NUP153: variants seen among roughly 807,000 people sequenced by gnomAD.
NUP153 encodes nuclear pore complex protein Nup153.
A neutral mutation model predicts 134.6 loss-of-function variants in NUP153; 27 were observed. The ratio of observed to expected loss-of-function variants is 0.20; its 90% CI spans 0.15 to 0.28. The LOEUF (loss-of-function observed/expected upper bound fraction) is 0.28, where lower values mean the gene tolerates loss of function less well. Among genes scored for constraint, NUP153 ranks in the 10% least tolerant of loss-of-function variants. The pLI is 1.00. For missense variants in NUP153, 1,821 were observed against 1,731.3 expected (o/e 1.05, Z -0.92); for synonymous variants, 640 against 623.5 (o/e 1.03, Z -0.40).
At position 17,615,956 on chromosome 6, in the gene NUP153, A is replaced by C; in HGVS notation, c.*141T>G. 1 of 565,484 alleles carries C rather than the reference A, an allele frequency of 1.8e-6. No individual in the cohort carries two copies. The highest frequency in any genetic ancestry group is 2.8e-5 in the South Asian group (1 of 35,346). 35.0% of individuals were successfully genotyped at this position (565,484 alleles called of 1,614,324 possible). On this transcript the variant is annotated 3_prime_UTR_variant, in exon 22 of 22. Transcript: ENST00000262077. The surrounding 1 kb of genome is among the most constrained non-coding windows in gnomAD (Gnocchi z 5.7). Reference sequence around the variant, plus strand: ...AGGCAGGGTGGGGCTTCTGTAACGAAAGAGAAAGGAGGAAAATTCCAAAAT... The same window carrying C: ...AGGCAGGGTGGGGCTTCTGTAACGACAGAGAAAGGAGGAAAATTCCAAAAT...
At chr6:17,664,249 G>A (rs770704780) in intron 9 of NUP153, among the ~76,000 whole-genome samples, 1 of 152,094 alleles carries the variant, frequency 6.6e-6, no homozygotes, top group Non-Finnish European at 1.5e-5. Flanking sequence ...TAATACAAAT[G>A]TTCTAAAATT....
At chr6:17,665,116 C>T (rs1040944693) in intron 9 of NUP153, 123 bp downstream of exon 9, 7 of 484,892 alleles carry the variant, frequency 1.4e-5, no homozygotes, top group Non-Finnish European at 2.4e-5. Context: ...ATAATCATCA[C>T]TAATTCACAA....
In NUP153 at chr6:17,649,154, G is replaced by C. The variant is rs751347467; in HGVS notation, c.1533+9C>G. The C allele has an allele frequency of 6.2e-7, 1 of 1,608,526 alleles. No homozygotes were observed. Among genetic ancestry groups the C allele is most frequent in the South Asian group, 1.1e-5 (1 of 90,090 alleles). On this transcript the variant is annotated intron_variant, in intron 12 of 21. Coordinates refer to ENST00000262077, the MANE Select transcript of NUP153 (RefSeq NM_005124.4). Reference sequence around the variant, plus strand: ...AAATGTCACCTGTATTTATATAATGGTTTTGTACCTTGTTTGTTAATGCTT... The same window carrying C: ...AAATGTCACCTGTATTTATATAATGCTTTTGTACCTTGTTTGTTAATGCTT...
intron 5 of NUP153, among the ~76,000 whole-genome samples, 191 bp downstream of exon 5, chr6:17,674,714 G>A (rs1443324851): frequency 1.3e-5 from 2 of 152,166 alleles, no homozygotes; most frequent in African/African-American, 4.8e-5. Flanking sequence ...AGGTTGCAGT[G>A]TGGTCCGAGA....
chr6:17,670,367 C>T (rs1767828259), intron 5 of NUP153, among the ~76,000 whole-genome samples: 1 of 152,134 alleles, frequency 6.6e-6, no homozygotes, highest in African/African-American at 2.4e-5. Flanking sequence ...ATACAACAGA[C>T]TTTTGTATAT....
intron 1 of NUP153, among the ~76,000 whole-genome samples, chr6:17,695,764 C>T (rs1013059122): frequency 8.5e-5 from 13 of 152,190 alleles, no homozygotes; most frequent in Non-Finnish European, 1.3e-4. Context: ...AATCCCAACA[C>T]TTTAGGAGGC....
intron 1 of NUP153, among the ~76,000 whole-genome samples, chr6:17,705,615 G>T (rs1310038597): frequency 6.6e-6 from 1 of 151,088 alleles, no homozygotes; most frequent in African/African-American, 2.5e-5. Context: ...GCGCAGCAGA[G>T]AAAAGACGTA....
intron 18 of NUP153, among the ~76,000 whole-genome samples, chr6:17,626,373 T>C (rs1764950119): frequency 1.3e-5 from 2 of 152,218 alleles, no homozygotes; most frequent in African/African-American, 4.8e-5. Context: ...AGCTTATGGA[T>C]TTTAGGCCTT....
Position 17,630,385 on chromosome 6 carries a change from C to T in NUP153, c.2660-846G>A, listed in dbSNP as rs544229138. Among the ~76,000 whole-genome samples the T allele has an allele frequency of 3.3e-5, 5 of 152,260 alleles. No individual in the cohort carries two copies. The East Asian group carries it at 5.8e-4, about 18-fold the overall frequency. On this transcript the variant is annotated intron_variant, in intron 17 of 21. Coordinates refer to ENST00000262077, the MANE Select transcript of NUP153 (RefSeq NM_005124.4). Reference sequence around the variant, plus strand: ...TTATAAAGTTAAACATCAGACTGGGCGTGGTAGCTCACGCTTGGAATCCCA... The same window carrying T: ...TTATAAAGTTAAACATCAGACTGGGTGTGGTAGCTCACGCTTGGAATCCCA...
rs1225904101 is a variant in NUP153 at position 17,615,975 on chromosome 6, C to A, written c.*122G>T. The A allele has an allele frequency of 3.2e-6, 2 of 620,430 alleles. No individual in the cohort carries two copies. Among genetic ancestry groups the A allele is most frequent in the Non-Finnish European group, 5.4e-6 (2 of 369,798 alleles). The allele number at this position is 620,430 out of a possible 1,614,324, so 38.4% of individuals were successfully genotyped here. A position where few individuals can be genotyped will look rare whatever the true frequency, so the allele number is the denominator to read the frequency against. On this transcript the variant is annotated 3_prime_UTR_variant, in exon 22 of 22. Transcript: ENST00000262077. The surrounding 1 kb of genome is among the most constrained non-coding windows in gnomAD (Gnocchi z 5.7). ...TAACGAAAGAGAAAGGAGGAAAATT[C>A]CAAAATTAAAGAAGTCCTTAGGCAG...
chr6:17,667,802 C>A (rs73369319), intron 8 of NUP153, among the ~76,000 whole-genome samples: 1 of 152,284 alleles, frequency 6.6e-6, no homozygotes, highest in African/African-American at 2.4e-5. Context: ...ACAAAAGATA[C>A]CTCTTTAACC....
At chr6:17,700,617 A>G (rs1769991506) in intron 1 of NUP153, among the ~76,000 whole-genome samples, 1 of 152,218 alleles carries the variant, frequency 6.6e-6, no homozygotes, top group African/African-American at 2.4e-5. Context: ...AGAACACTCC[A>G]GCTATCAGAT....
chr6:17,698,254 C>T (rs1040113530), intron 1 of NUP153, among the ~76,000 whole-genome samples: 2 of 152,138 alleles, frequency 1.3e-5, no homozygotes, highest in African/African-American at 4.8e-5. Flanking sequence ...TTATAAAATA[C>T]AACCAATAAT....
intron 14 of NUP153, among the ~76,000 whole-genome samples, chr6:17,640,410 T>C (rs1384832207): frequency 6.6e-6 from 1 of 152,230 alleles, no homozygotes; most frequent in African/African-American, 2.4e-5. Flanking sequence ...AAATATCTGA[T>C]TACACAACAA....
Position 17,706,473 on chromosome 6 carries a change from G to A in NUP153, c.-86C>T, listed in dbSNP as rs1770511575. The A allele has an allele frequency of 5.8e-6, 6 of 1,031,416 alleles. No individual in the cohort carries two copies. Among genetic ancestry groups the A allele is most frequent in the Non-Finnish European group, 7.0e-6 (5 of 710,984 alleles). 63.9% of individuals were successfully genotyped at this position (1,031,416 alleles called of 1,614,324 possible). ...GAGGCCTTAGAGAGCCTCCCCCGCC[G>A]CCCGGCCCCGGCCCAAAAGTCCGCC... On this transcript the variant is annotated 5_prime_UTR_variant, in exon 1 of 22. Transcript: ENST00000262077. The surrounding 1 kb of genome is among the most constrained non-coding windows in gnomAD (Gnocchi z 5.9).
chr6:17,706,236 T>C lies in NUP153; in HGVS notation c.111+41A>G. The C allele has an allele frequency of 2.0e-6, 3 of 1,531,290 alleles. No individual in the cohort carries two copies. The highest frequency in any genetic ancestry group is 2.7e-6 in the Non-Finnish European group (3 of 1,106,340). 94.9% of individuals were successfully genotyped at this position (1,531,290 alleles called of 1,614,324 possible). ...AACCGCCCGTCCCCTCCAGCCGAGT[T>C]TCCCCACCCGCCAGGCCACCGCGGC... On this transcript the variant is annotated intron_variant, in intron 1 of 21. Coordinates refer to ENST00000262077, the MANE Select transcript of NUP153 (RefSeq NM_005124.4). The surrounding 1 kb of genome is among the most constrained non-coding windows in gnomAD (Gnocchi z 5.9).
chr6:17,661,575 C>T (rs1581721127), intron 11 of NUP153, 78 bp downstream of exon 11: 1 of 1,414,694 alleles, frequency 7.1e-7, no homozygotes, highest in Non-Finnish European at 9.4e-7. Flanking sequence ...GAACCCCACC[C>T]CTACAGGTCT....
At chr6:17,639,191 C>G (rs1163179572) in intron 15 of NUP153, among the ~76,000 whole-genome samples, 4 of 152,108 alleles carry the variant, frequency 2.6e-5, no homozygotes, top group East Asian at 3.9e-4. Context: ...AATTCTCCTG[C>G]CTCAGCCTCC....
chr6:17,656,142 T>G (rs1171715851), intron 11 of NUP153, among the ~76,000 whole-genome samples: 1 of 143,854 alleles, frequency 7.0e-6, no homozygotes, highest in East Asian at 1.9e-4. Flanking sequence ...GAGGTGGAGG[T>G]TGCAGTGAGC....
Sources: allele counts gnomAD v4.1 joint callset (sites outside exome capture counted in the v4.1 genomes callset), GRCh38; gene constraint gnomAD v4.1.1; non-coding constraint Gnocchi (gnomAD v3.1); transcripts MANE v1.5; gene names NCBI Gene and HGNC (gene_info 2026-07-23, HGNC 2026-07-21).